CDH13: variants seen among roughly 807,000 people sequenced by gnomAD.
CDH13 encodes cadherin 13.
In CDH13, 24 loss-of-function variants were observed where a neutral mutation model predicts 63.8. The ratio of observed to expected loss-of-function variants is 0.38; its 90% CI spans 0.27 to 0.53. The LOEUF (loss-of-function observed/expected upper bound fraction) is 0.53, where lower values mean the gene tolerates loss of function less well. CDH13 is among the 20% of genes least tolerant of loss of function. CDH13 has a pLI of 0.85. For synonymous variants in CDH13, 503 were observed against 355.3 expected (o/e 1.42, Z -4.67); for missense variants, 1,049 against 903.1 (o/e 1.16, Z -2.07).
At chr16:82,933,523 A>G (rs2042566517) in intron 2 of CDH13, among the ~76,000 whole-genome samples, 1 of 152,078 alleles carries the variant, frequency 6.6e-6, no homozygotes, top group South Asian at 2.1e-4. Context: ...CCCCTCTCAA[A>G]TCTCATGTTT....
chr16:83,215,525 T>A (rs1253822893), intron 4 of CDH13, among the ~76,000 whole-genome samples: 1 of 151,180 alleles, frequency 6.6e-6, no homozygotes, highest in Non-Finnish European at 1.5e-5. Flanking sequence ...CTGTAATGCC[T>A]TGAGTGATCC....
chr16:82,813,711 C>T (rs759345345), intron 1 of CDH13, among the ~76,000 whole-genome samples: 5 of 152,076 alleles, frequency 3.3e-5, no homozygotes, highest in Non-Finnish European at 4.4e-5. Flanking sequence ...TTTAAAGATT[C>T]GGCACTGAAA....
At chr16:82,788,602 G>A (rs1191591702) in intron 1 of CDH13, among the ~76,000 whole-genome samples, 3 of 152,212 alleles carry the variant, frequency 2.0e-5, no homozygotes, top group Admixed American at 6.5e-5. Context: ...TTGGAGCTCA[G>A]GGAATAGCAC....
In CDH13 at chr16:83,797,872, A is replaced by C. The variant is rs1597248945; in HGVS notation, c.*2842A>C. ...TCCCTCATTTTACATACGATAAATTAATTATTTTGGATAATTTGTTTTAAT... is the reference window on the plus strand; with the variant it reads ...TCCCTCATTTTACATACGATAAATTCATTATTTTGGATAATTTGTTTTAAT... On this transcript the variant is annotated 3_prime_UTR_variant, in exon 14 of 14. Coordinates refer to ENST00000567109, the MANE Select transcript of CDH13 (RefSeq NM_001257.5). 6.6e-6 allele frequency: 1 copy of C among 152,222 alleles called. No individual in the cohort carries two copies. Among genetic ancestry groups the C allele is most frequent in the East Asian group, 1.9e-4 (1 of 5,190 alleles). The allele number at this position is 152,222 out of a possible 1,614,324, so 9.4% of individuals were successfully genotyped here. A position where few individuals can be genotyped will look rare whatever the true frequency, so the allele number is the denominator to read the frequency against.
chr16:83,213,934 C>T (rs775458811), intron 4 of CDH13, among the ~76,000 whole-genome samples: 25 of 152,090 alleles, frequency 1.6e-4, no homozygotes, highest in Admixed American at 2.6e-4. Context: ...CACCAATCTG[C>T]ACTCTGTGGC....
At chr16:83,646,715 A>ACACC in intron 8 of CDH13, among the ~76,000 whole-genome samples, 2 of 110,124 alleles carry the variant, frequency 1.8e-5, no homozygotes, top group Non-Finnish European at 4.4e-5. Context: ...AAAAAAAAAC[A>ACACC]CACACACACA....
chr16:82,881,162 G>C (rs2040688617), intron 2 of CDH13, among the ~76,000 whole-genome samples: 1 of 152,140 alleles, frequency 6.6e-6, no homozygotes, highest in South Asian at 2.1e-4. Flanking sequence ...CAATGGCTGG[G>C]CTTATCCTAA....
intron 5 of CDH13, among the ~76,000 whole-genome samples, chr16:83,293,369 C>G (rs765972084): frequency 6.6e-6 from 1 of 152,090 alleles, no homozygotes. Flanking sequence ...TTGGGAGATA[C>G]AACACATAGA....
At chr16:83,586,643 C>T (rs913921789) in intron 7 of CDH13, among the ~76,000 whole-genome samples, 22 of 152,188 alleles carry the variant, frequency 1.4e-4, no homozygotes, top group Non-Finnish European at 2.9e-4. Context: ...AAAATGACTG[C>T]TGGAGCCCAG....
At chr16:82,996,954 ATGG>A (rs1395417073) in intron 2 of CDH13, among the ~76,000 whole-genome samples, 10 of 140,314 alleles carry the variant, frequency 7.1e-5, no homozygotes, top group East Asian at 4.0e-4. Context: ...GTTGTTGATG[ATGG>A]TGGTGGTGGT....
In CDH13 at chr16:83,483,091, C is replaced by T. The variant is rs116654000; in HGVS notation, c.782-3386C>T. On this transcript the variant is annotated intron_variant, in intron 6 of 13. Coordinates refer to ENST00000567109, the MANE Select transcript of CDH13 (RefSeq NM_001257.5). The stretch of plus-strand genomic sequence containing the variant: ...TGTTGAAAACAGGGAAACCGAGGCT[C>T]AGAGAGAGATGAATAATGTGGCCAC... 4.8e-3 allele frequency among the ~76,000 whole-genome samples: 732 copies of T among 152,270 alleles called. 11 individuals carry two copies. Among genetic ancestry groups the T allele is most frequent in the African/African-American group, 0.017 (690 of 41,554 alleles).
At chr16:82,865,900 C>G (rs538423602) in intron 2 of CDH13, among the ~76,000 whole-genome samples, 1 of 152,286 alleles carries the variant, frequency 6.6e-6, no homozygotes, top group South Asian at 2.1e-4. Context: ...TTCAAATCTT[C>G]TCTTTGTGAA....
chr16:83,280,027 T>C (rs2089117250), intron 5 of CDH13, among the ~76,000 whole-genome samples: 1 of 152,212 alleles, frequency 6.6e-6, no homozygotes. Flanking sequence ...GCAATGTTGA[T>C]GGCTGCAGAT....
At chr16:83,393,577 A>G (rs1030073737) in intron 6 of CDH13, among the ~76,000 whole-genome samples, 15 of 152,184 alleles carry the variant, frequency 9.9e-5, no homozygotes, top group African/African-American at 3.4e-4. Context: ...TTTTGTGCGG[A>G]GGAGACATAG....
chr16:82,863,397 C>G (rs1354695707), intron 2 of CDH13, among the ~76,000 whole-genome samples: 2 of 152,180 alleles, frequency 1.3e-5, no homozygotes, highest in Non-Finnish European at 2.9e-5. Context: ...CTCATGGACT[C>G]CAGTTGCTTC....
chr16:83,490,779 C>T (rs1409806666), intron 7 of CDH13, among the ~76,000 whole-genome samples: 1 of 152,286 alleles, frequency 6.6e-6, no homozygotes, highest in Non-Finnish European at 1.5e-5. Context: ...CATTTCTTCC[C>T]CTTCCATATC....
intron 2 of CDH13, among the ~76,000 whole-genome samples, chr16:83,016,864 T>C (rs1914854944): frequency 6.6e-6 from 1 of 152,226 alleles, no homozygotes; most frequent in Non-Finnish European, 1.5e-5. Flanking sequence ...ACGTCATTTA[T>C]GACATTTATG....
At chr16:83,610,274 G>C (rs1908739116) in intron 8 of CDH13, among the ~76,000 whole-genome samples, 1 of 151,584 alleles carries the variant, frequency 6.6e-6, no homozygotes, top group Non-Finnish European at 1.5e-5. Flanking sequence ...CTCCAAATTA[G>C]TAATCTGTAA....
chr16:83,700,654 TG>T (rs759604438), intron 10 of CDH13, among the ~76,000 whole-genome samples: 3 of 152,328 alleles, frequency 2.0e-5, no homozygotes, highest in East Asian at 1.9e-4. Context: ...TTTTACACAT[TG>T]AAGTACTTTT....
Sources: gnomAD v4.1 joint callset for allele counts (sites outside exome capture counted in the v4.1 genomes callset) on GRCh38, gnomAD v4.1.1 for gene constraint, MANE v1.5 for transcripts, NCBI Gene and HGNC (gene_info 2026-07-23, HGNC 2026-07-21) for gene names.